AUTS2: variants seen among roughly 807,000 people sequenced by gnomAD.
The protein encoded by AUTS2 is autism susceptibility gene 2 protein.
In AUTS2, 17 loss-of-function variants were observed where a neutral mutation model predicts 112.4. The observed-to-expected ratio is 0.15, with a 90% CI of 0.10 to 0.23. The LOEUF (loss-of-function observed/expected upper bound fraction) is 0.23. AUTS2 is among the 10% of genes least tolerant of loss of function. The probability of loss-of-function intolerance (pLI) is 1.00; values close to 1 mark genes in which losing one functional copy is unlikely to be tolerated. For missense variants in AUTS2, 1,510 were observed against 1,701.6 expected, an observed-to-expected ratio of 0.89 and a Z score of 1.98; for synonymous variants, 751 against 702.7, an observed-to-expected ratio of 1.07 and a Z score of -1.09.
chr7:70,565,573 A>G (rs562751390), intron 5 of AUTS2, among the ~76,000 whole-genome samples: 5 of 152,214 alleles, frequency 3.3e-5, no homozygotes, highest in African/African-American at 7.2e-5. Flanking sequence ...CCAGCTGCTC[A>G]GGAAGCTAAG....
intron 5 of AUTS2, among the ~76,000 whole-genome samples, chr7:70,463,408 C>G (rs942194816): frequency 6.6e-6 from 1 of 152,148 alleles, no homozygotes; most frequent in East Asian, 1.9e-4. Context: ...AGTTTCATGC[C>G]CCCTTGGTAG....
At chr7:70,184,931 T>C (rs1215882710) in intron 4 of AUTS2, among the ~76,000 whole-genome samples, 3 of 152,242 alleles carry the variant, frequency 2.0e-5, no homozygotes, top group Non-Finnish European at 4.4e-5. Context: ...AGCATAACTA[T>C]TCATGCTAAT....
chr7:70,105,772 A>T (rs982906372), intron 2 of AUTS2, among the ~76,000 whole-genome samples: 1 of 152,160 alleles, frequency 6.6e-6, no homozygotes, highest in East Asian at 1.9e-4. Context: ...AGCTAATGTC[A>T]TCTTGGCTCT....
At chr7:70,372,593 G>T (rs949012412) in intron 4 of AUTS2, among the ~76,000 whole-genome samples, 1 of 151,924 alleles carries the variant, frequency 6.6e-6, no homozygotes, top group African/African-American at 2.4e-5. Context: ...CTGGCTAGCC[G>T]TCAGATTTCC....
chr7:70,376,514 C>G (rs1349720989), intron 4 of AUTS2, among the ~76,000 whole-genome samples: 1 of 151,812 alleles, frequency 6.6e-6, no homozygotes, highest in Non-Finnish European at 1.5e-5. Context: ...GGGGGATATC[C>G]TGGGTGGGCA....
At chr7:70,732,749 T>C (rs1292439144) in intron 6 of AUTS2, among the ~76,000 whole-genome samples, 1 of 152,198 alleles carries the variant, frequency 6.6e-6, no homozygotes, top group Non-Finnish European at 1.5e-5. Context: ...CAATTCTGCT[T>C]TAGGATAAGA....
intron 1 of AUTS2, among the ~76,000 whole-genome samples, chr7:69,698,664 A>T (rs953976779): frequency 6.6e-6 from 1 of 152,158 alleles, no homozygotes; most frequent in Non-Finnish European, 1.5e-5. Context: ...CATATGAGTG[A>T]TCCCATTGGA....
chr7:70,184,168 G>A (rs1584848689), intron 4 of AUTS2, among the ~76,000 whole-genome samples: 1 of 152,150 alleles, frequency 6.6e-6, no homozygotes, highest in African/African-American at 2.4e-5. Context: ...GTTATTGACA[G>A]TCATCTTTTT....
intron 4 of AUTS2, among the ~76,000 whole-genome samples, chr7:70,392,288 C>G (rs1000642282): frequency 2.6e-5 from 4 of 152,138 alleles, no homozygotes; most frequent in African/African-American, 9.7e-5. Flanking sequence ...TGAATGACAG[C>G]AGAAACTCAT....
At chr7:70,125,562 T>C (rs1163593368) in intron 3 of AUTS2, among the ~76,000 whole-genome samples, 1 of 152,154 alleles carries the variant, frequency 6.6e-6, no homozygotes, top group Non-Finnish European at 1.5e-5. Flanking sequence ...GGGAACCTTC[T>C]GCAGCTTTCA....
At chr7:69,818,198 C>T in intron 1 of AUTS2, among the ~76,000 whole-genome samples, 1 of 152,192 alleles carries the variant, frequency 6.6e-6, no homozygotes, top group East Asian at 1.9e-4. Context: ...TGGTGTGTGA[C>T]TGTGGGGTTA....
At chr7:69,993,854 T>C (rs1188276017) in intron 2 of AUTS2, among the ~76,000 whole-genome samples, 1 of 152,180 alleles carries the variant, frequency 6.6e-6, no homozygotes, top group East Asian at 1.9e-4. Context: ...TTTGAAAGTC[T>C]AATGCAGAAT....
At chr7:70,304,462 C>A (rs1789393669) in intron 4 of AUTS2, among the ~76,000 whole-genome samples, 1 of 152,146 alleles carries the variant, frequency 6.6e-6, no homozygotes, top group South Asian at 2.1e-4. Flanking sequence ...GAGGCCGTGG[C>A]AGTGTCGGCA....
At chr7:70,450,114 C>T (rs1425755713) in intron 5 of AUTS2, among the ~76,000 whole-genome samples, 1 of 152,334 alleles carries the variant, frequency 6.6e-6, no homozygotes, top group African/African-American at 2.4e-5. Context: ...AAAATAGTAA[C>T]TCACTCATAG....
chr7:69,880,475 C>A (rs1441262360), intron 1 of AUTS2, among the ~76,000 whole-genome samples: 1 of 152,170 alleles, frequency 6.6e-6, no homozygotes, highest in Admixed American at 6.5e-5. Context: ...CACCACCATC[C>A]TCCTCCTCAT....
chr7:70,192,432 T>G (rs1809952115), intron 4 of AUTS2, among the ~76,000 whole-genome samples: 1 of 152,222 alleles, frequency 6.6e-6, no homozygotes, highest in Non-Finnish European at 1.5e-5. Context: ...TTTACGGTTT[T>G]CCTTTTAAGT....
intron 2 of AUTS2, among the ~76,000 whole-genome samples, chr7:70,012,254 C>G (rs1378210240): frequency 1.3e-5 from 2 of 152,122 alleles, no homozygotes; most frequent in South Asian, 2.1e-4. Flanking sequence ...CTGGAGGAGG[C>G]AGGTCTCCAC....
At chr7:69,808,549 C>T (rs1053762875) in intron 1 of AUTS2, among the ~76,000 whole-genome samples, 1 of 152,146 alleles carries the variant, frequency 6.6e-6, no homozygotes. Flanking sequence ...CGCTTAGGCA[C>T]TAAATCATAT....
At chr7:70,286,578 T>C (rs1788469791) in intron 4 of AUTS2, among the ~76,000 whole-genome samples, 1 of 152,218 alleles carries the variant, frequency 6.6e-6, no homozygotes, top group Non-Finnish European at 1.5e-5. Context: ...CAACCTAAGC[T>C]AAAAGGAAAT....
Sources: allele counts gnomAD v4.1 joint callset (sites outside exome capture counted in the v4.1 genomes callset), GRCh38; gene constraint gnomAD v4.1.1; transcripts MANE v1.5; gene names NCBI Gene and HGNC (gene_info 2026-07-23, HGNC 2026-07-21).